ATP8B4: variants seen among roughly 807,000 people sequenced by gnomAD.
ATP8B4 encodes probable phospholipid-transporting ATPase IM.
A neutral mutation model predicts 145.6 loss-of-function variants in ATP8B4; 133 were observed. The observed-to-expected ratio is 0.91, with a 90% confidence interval of 0.79 to 1.05. The LOEUF (loss-of-function observed/expected upper bound fraction) is 1.05. Ranked by LOEUF, ATP8B4 falls within the 50% of genes least tolerant of loss-of-function variation. The pLI, the probability that ATP8B4 is intolerant of heterozygous loss-of-function variation, is 0.00. For missense variants in ATP8B4, 1,458 were observed against 1,425.2 expected (o/e 1.02, Z -0.37); for synonymous variants, 507 against 492.9 (o/e 1.03, Z -0.38).
At chr15:50,135,065 A>T (rs993171605) in intron 1 of ATP8B4, among the ~76,000 whole-genome samples, 2 of 152,232 alleles carry the variant, frequency 1.3e-5, no homozygotes, top group African/African-American at 4.8e-5. Flanking sequence ...GTTGTCTAGA[A>T]CAACAAGCCT....
At chr15:50,128,973 C>T (rs1046491199) in intron 1 of ATP8B4, among the ~76,000 whole-genome samples, 4 of 152,198 alleles carry the variant, frequency 2.6e-5, no homozygotes, top group African/African-American at 9.6e-5. Context: ...GAGGCTGAGG[C>T]AGAAGAATCA....
At chr15:49,882,416 T>C (rs2035564388) in intron 23 of ATP8B4, among the ~76,000 whole-genome samples, 1 of 152,200 alleles carries the variant, frequency 6.6e-6, no homozygotes, top group South Asian at 2.1e-4. Context: ...TCTATCTTCG[T>C]GCAGTGGGAT....
intron 20 of ATP8B4, chr15:49,902,371 T>C (rs2038131908): frequency 6.6e-6 from 1 of 152,230 alleles, no homozygotes; most frequent in Non-Finnish European, 1.5e-5. Context: ...CCAAAACAAC[T>C]GTTTTAGCCC....
At chr15:49,977,204 A>G (rs1343620643) in intron 12 of ATP8B4, among the ~76,000 whole-genome samples, 2 of 152,152 alleles carry the variant, frequency 1.3e-5, no homozygotes, top group African/African-American at 4.8e-5. Context: ...AAAGCCTAAT[A>G]GAAGCTTTGG....
chr15:49,972,524 T>C, intron 13 of ATP8B4, 58 bp downstream of exon 13: 1 of 1,526,132 alleles, frequency 6.6e-7, no homozygotes, highest in Non-Finnish European at 8.9e-7. Flanking sequence ...TTTAATGGGG[T>C]CAGTTATTCA....
At chr15:49,860,530 C>A (rs575675445) in intron 27 of ATP8B4, 55 bp from the exon 28 acceptor site, 1 of 1,502,824 alleles carries the variant, frequency 6.7e-7, no homozygotes, top group South Asian at 1.4e-5. Flanking sequence ...AGACTCCAGG[C>A]AGTGGCCCAC....
intron 14 of ATP8B4, among the ~76,000 whole-genome samples, chr15:49,950,298 T>G (rs781379318): frequency 6.6e-6 from 1 of 152,106 alleles, no homozygotes; most frequent in Non-Finnish European, 1.5e-5. Context: ...CTGGGCTTTT[T>G]TTGGTTGGTA....
At chr15:50,103,290 G>A (rs2056481634) in intron 2 of ATP8B4, among the ~76,000 whole-genome samples, 1 of 152,152 alleles carries the variant, frequency 6.6e-6, no homozygotes. Flanking sequence ...AATCAGTAAA[G>A]AGGAAGTCAA....
chr15:49,869,669 CA>C (rs1177295184), intron 25 of ATP8B4, among the ~76,000 whole-genome samples: 1 of 152,142 alleles, frequency 6.6e-6, no homozygotes, highest in African/African-American at 2.4e-5. Flanking sequence ...ATGCTTTTCT[CA>C]GCATTTGACA....
At chr15:50,157,567 T>G (rs1372965286) in intron 1 of ATP8B4, among the ~76,000 whole-genome samples, 1 of 152,118 alleles carries the variant, frequency 6.6e-6, no homozygotes. Context: ...AGGTTTGTTG[T>G]TGTTTGTTTG....
chr15:49,926,158 C>T (rs1050625912), intron 16 of ATP8B4, among the ~76,000 whole-genome samples: 12 of 152,186 alleles, frequency 7.9e-5, no homozygotes, highest in African/African-American at 2.6e-4. Flanking sequence ...CCATCTCTAG[C>T]ACTCCATTCT....
chr15:49,879,988 C>T (rs2035134205), intron 23 of ATP8B4: 1 of 152,352 alleles, frequency 6.6e-6, no homozygotes, highest in South Asian at 2.1e-4. Flanking sequence ...TATCCCCTCA[C>T]ACCTTTGTAG....
intron 19 of ATP8B4, 77 bp from the exon 20 acceptor site, chr15:49,917,116 G>C: frequency 7.2e-7 from 1 of 1,395,740 alleles, no homozygotes; most frequent in Non-Finnish European, 1.0e-6. Context: ...AGTTTTGAGG[G>C]CTTAGCTGTA....
chr15:49,928,291 G>T (rs2040912914), intron 16 of ATP8B4, among the ~76,000 whole-genome samples: 1 of 152,114 alleles, frequency 6.6e-6, no homozygotes, highest in African/African-American at 2.4e-5. Flanking sequence ...TGAAAAATGG[G>T]TAACATTTGA....
chr15:49,938,317 C>T (rs552604108), intron 14 of ATP8B4, among the ~76,000 whole-genome samples: 2 of 151,976 alleles, frequency 1.3e-5, no homozygotes, highest in African/African-American at 2.4e-5. Context: ...GGTCTACATG[C>T]CCCACTTAAA....
chr15:49,868,731 A>C (rs1015505254), intron 25 of ATP8B4, among the ~76,000 whole-genome samples: 5 of 152,218 alleles, frequency 3.3e-5, no homozygotes, highest in African/African-American at 1.2e-4. Context: ...TGTTTAATTG[A>C]AGAAGCATAA....
chr15:50,173,820 C>T (rs2044723890), intron 1 of ATP8B4, among the ~76,000 whole-genome samples: 1 of 152,052 alleles, frequency 6.6e-6, no homozygotes. Context: ...AATACCAAAA[C>T]CAGGAAAGGA....
intron 14 of ATP8B4, among the ~76,000 whole-genome samples, chr15:49,942,068 T>C (rs947265965): frequency 7.2e-5 from 11 of 152,044 alleles, no homozygotes. Flanking sequence ...GGGTAAGCGA[T>C]AAAAATCTAC....
At chr15:49,903,411 T>C (rs543419413) in intron 20 of ATP8B4, among the ~76,000 whole-genome samples, 16 of 152,348 alleles carry the variant, frequency 1.1e-4, no homozygotes, top group Admixed American at 2.0e-4. Flanking sequence ...ATTACAATTC[T>C]TGGCATGCAG....
Sources: allele counts gnomAD v4.1 joint callset (sites outside exome capture counted in the v4.1 genomes callset), GRCh38; gene constraint gnomAD v4.1.1; transcripts MANE v1.5; gene names NCBI Gene and HGNC (gene_info 2026-07-23, HGNC 2026-07-21).